Variants in STPG2 observed in about 807,000 individuals in gnomAD.
STPG2 encodes the protein sperm tail PG-rich repeat containing 2.
Under a neutral mutation model 54.2 loss-of-function variants are expected in STPG2, and 56 were observed. The ratio of observed to expected loss-of-function variants is 1.03; its 90% confidence interval spans 0.83 to 1.29. The LOEUF is 1.29. Ranked by LOEUF, STPG2 falls within the 50% of genes most tolerant of loss-of-function variation. STPG2 has a pLI of 0.00. For synonymous variants in STPG2, 200 were observed against 181.8 expected (o/e 1.10, Z -0.81); for missense variants, 596 against 544.9 (o/e 1.09, Z -0.93).
At chr4:97,687,320 CTT>C (rs33977046) in intron 10 of STPG2, among the ~76,000 whole-genome samples, 28 of 146,294 alleles carry the variant, frequency 1.9e-4, no homozygotes, top group South Asian at 2.2e-4. Context: ...TGCACTGAAT[CTT>C]TTTTTTTTTT....
intron 4 of STPG2, among the ~76,000 whole-genome samples, chr4:97,516,510 C>T (rs931322006): frequency 1.3e-5 from 2 of 152,004 alleles, no homozygotes; most frequent in African/African-American, 4.8e-5. Context: ...TCTTGCGACA[C>T]TTATAAGAAA....
chr4:97,860,807 A>G (rs548232244), intron 8 of STPG2, among the ~76,000 whole-genome samples: 8 of 152,276 alleles, frequency 5.3e-5, no homozygotes, highest in African/African-American at 1.9e-4. Flanking sequence ...AATTTCAACT[A>G]CTATGTGGAA....
chr4:98,069,651 A>G (rs1430842423), intron 5 of STPG2, among the ~76,000 whole-genome samples: 1 of 152,080 alleles, frequency 6.6e-6, no homozygotes, highest in African/African-American at 2.4e-5. Flanking sequence ...TCACATTTCC[A>G]TACACATCTA....
chr4:98,143,198 G>A lies in STPG2; in HGVS notation c.-48C>T, dbSNP rs1431043056. 10 of 1,460,352 alleles carry A rather than the reference G, an allele frequency of 6.8e-6. No individual in the cohort carries two copies. In the Admixed American group the frequency reaches 1.6e-4, roughly 24 times the overall value. The allele number at this position is 1,460,352 out of a possible 1,614,324, so 90.5% of individuals were successfully genotyped here. A position where few individuals can be genotyped will look rare whatever the true frequency, so the allele number is the denominator to read the frequency against. On this transcript the variant is annotated 5_prime_UTR_variant, in exon 1 of 11. Coordinates refer to ENST00000295268, the MANE Select transcript of STPG2 (RefSeq NM_174952.3). Reference sequence around the variant, plus strand: ...CTGGGGAAGGGCAGGTGCCGAAAACGATAAAAACAAGGTAGCTAGAAGTGT... The same window carrying A: ...CTGGGGAAGGGCAGGTGCCGAAAACAATAAAAACAAGGTAGCTAGAAGTGT...
intron 9 of STPG2, among the ~76,000 whole-genome samples, chr4:97,808,099 C>G (rs1476078620): frequency 6.6e-6 from 1 of 151,904 alleles, no homozygotes; most frequent in Non-Finnish European, 1.5e-5. Context: ...AAAGATAATT[C>G]TTCACCAGCA....
chr4:97,949,697 C>T (rs770785225), intron 7 of STPG2, among the ~76,000 whole-genome samples: 1 of 152,134 alleles, frequency 6.6e-6, no homozygotes, highest in African/African-American at 2.4e-5. Context: ...TTTAAAGAGG[C>T]TAAAGATAGG....
chr4:97,914,983 A>G (rs543841894), intron 8 of STPG2, among the ~76,000 whole-genome samples: 2 of 152,352 alleles, frequency 1.3e-5, no homozygotes, highest in East Asian at 1.9e-4. Context: ...ATAGCACGTC[A>G]GAATTTCATT....
At chr4:98,127,793 A>G (rs1288665365) in intron 3 of STPG2, among the ~76,000 whole-genome samples, 1 of 152,186 alleles carries the variant, frequency 6.6e-6, no homozygotes, top group Non-Finnish European at 1.5e-5. Context: ...TGAATTAGCT[A>G]TATTGTAACT....
At chr4:98,069,873 G>T (rs1482920287) in intron 5 of STPG2, among the ~76,000 whole-genome samples, 1 of 151,934 alleles carries the variant, frequency 6.6e-6, no homozygotes, top group African/African-American at 2.4e-5. Flanking sequence ...TACATTCCAG[G>T]TTAATAAAGA....
At position 98,143,218 on chromosome 4, in the gene STPG2, A is replaced by C; in HGVS notation, c.-68T>G. ...AAAACGATAAAAACAAGGTAGCTAG[A>C]AGTGTGGAGAAAAAGGAAGCCGACA... On this transcript the variant is annotated 5_prime_UTR_variant, in exon 1 of 11. Transcript: ENST00000295268. 1.6e-6 allele frequency: 2 copies of C among 1,262,570 alleles called. No individual in the cohort carries two copies. Among genetic ancestry groups the C allele is most frequent in the Middle Eastern group, 2.4e-4 (1 of 4,228 alleles). The allele number at this position is 1,262,570 out of a possible 1,614,324, so 78.2% of individuals were successfully genotyped here.
chr4:98,064,645 A>G (rs1737768178), intron 5 of STPG2, among the ~76,000 whole-genome samples: 1 of 152,210 alleles, frequency 6.6e-6, no homozygotes, highest in Admixed American at 6.5e-5. Flanking sequence ...GGCATTCTCT[A>G]CTGGGAAAAC....
At chr4:97,716,757 G>A (rs1724302709) in intron 9 of STPG2, among the ~76,000 whole-genome samples, 1 of 151,710 alleles carries the variant, frequency 6.6e-6, no homozygotes, top group South Asian at 2.1e-4. Context: ...ACCTAATGTA[G>A]GTGATGGGTT....
At chr4:98,043,534 A>G (rs1737029907) in intron 5 of STPG2, among the ~76,000 whole-genome samples, 1 of 152,006 alleles carries the variant, frequency 6.6e-6, no homozygotes, top group Non-Finnish European at 1.5e-5. Context: ...ATTTTATAAT[A>G]GTCTATTTTA....
chr4:97,995,177 C>A (rs971948969), intron 5 of STPG2, among the ~76,000 whole-genome samples: 1 of 148,076 alleles, frequency 6.8e-6, no homozygotes, highest in African/African-American at 2.5e-5. Context: ...CTCACCCCCC[C>A]ACCCCCTGCA....
At chr4:97,956,249 T>C (rs1003973805) in intron 7 of STPG2, among the ~76,000 whole-genome samples, 8 of 152,174 alleles carry the variant, frequency 5.3e-5, no homozygotes, top group African/African-American at 1.9e-4. Context: ...GAATGCTTAT[T>C]GTAATTTTCA....
intron 9 of STPG2, among the ~76,000 whole-genome samples, chr4:97,769,350 C>T (rs1578548536): frequency 6.6e-6 from 1 of 152,140 alleles, no homozygotes; most frequent in South Asian, 2.1e-4. Flanking sequence ...CAGCCAACAG[C>T]CAGCTGATTC....
chr4:97,939,230 T>C (rs1008913795), intron 8 of STPG2, among the ~76,000 whole-genome samples: 5 of 152,198 alleles, frequency 3.3e-5, no homozygotes, highest in Non-Finnish European at 5.9e-5. Context: ...TTATGTCCAA[T>C]GATGTGGTCA....
At chr4:97,953,200 A>G (rs1733539704) in intron 7 of STPG2, among the ~76,000 whole-genome samples, 1 of 152,218 alleles carries the variant, frequency 6.6e-6, no homozygotes, top group African/African-American at 2.4e-5. Flanking sequence ...GTTGGCCACT[A>G]GAGTAATGTT....
At chr4:97,982,015 G>A (rs1229037002) in intron 5 of STPG2, among the ~76,000 whole-genome samples, 2 of 151,346 alleles carry the variant, frequency 1.3e-5, no homozygotes, top group Non-Finnish European at 2.9e-5. Context: ...CTCCCACGCA[G>A]CTGGGACCAC....
Sources: gnomAD v4.1 joint callset for allele counts (sites outside exome capture counted in the v4.1 genomes callset) on GRCh38, gnomAD v4.1.1 for gene constraint, MANE v1.5 for transcripts, NCBI Gene and HGNC (gene_info 2026-07-23, HGNC 2026-07-21) for gene names.